The following NTRK3 variants were observed in gnomAD, a reference collection of about 807,000 sequenced individuals.
The protein encoded by NTRK3 is NT-3 growth factor receptor.
NTRK3 carries 24 observed loss-of-function variants against 91.7 expected under a neutral mutation model. The ratio of observed to expected loss-of-function variants is 0.26; its 90% CI spans 0.19 to 0.37. NTRK3 has a LOEUF of 0.37. NTRK3 is among the 10% of genes least tolerant of loss of function. The pLI is 1.00. For missense variants in NTRK3, 880 were observed against 1,068.9 expected, an observed-to-expected ratio of 0.82 and a Z score of 2.46; for synonymous variants, 483 against 404.0, an observed-to-expected ratio of 1.20 and a Z score of -2.34.
intron 3 of NTRK3, among the ~76,000 whole-genome samples, chr15:88,254,754 C>A (rs1459589726): frequency 6.6e-6 from 1 of 152,184 alleles, no homozygotes; most frequent in Non-Finnish European, 1.5e-5. Flanking sequence ...AGGACCTCAG[C>A]ACAAACCCTT....
chr15:87,933,314 G>A, intron 15 of NTRK3, 130 bp from the exon 16 acceptor site: 1 of 879,452 alleles, frequency 1.1e-6, no homozygotes, highest in South Asian at 1.7e-5. Flanking sequence ...GGAATTTAAA[G>A]ACAATGAAGC....
At chr15:87,897,547 C>G (rs1286889038) in intron 17 of NTRK3, among the ~76,000 whole-genome samples, 1 of 152,078 alleles carries the variant, frequency 6.6e-6, no homozygotes, top group Non-Finnish European at 1.5e-5. Context: ...AGGTCTCAAC[C>G]AAGCTCAGAT....
intron 3 of NTRK3, among the ~76,000 whole-genome samples, chr15:88,197,995 G>A (rs2047976794): frequency 6.6e-6 from 1 of 152,182 alleles, no homozygotes; most frequent in South Asian, 2.1e-4. Context: ...TAGAGATAAT[G>A]ATGCTGAACT....
exon 19 of NTRK3, chr15:87,872,923 T>C (rs944613556): frequency 1.3e-5 from 3 of 233,164 alleles, no homozygotes; most frequent in Non-Finnish European, 8.5e-6. Context: ...ATAAGCTGAT[T>C]TGGCCAAGGC....
chr15:88,146,041 C>A (rs2042862458), intron 6 of NTRK3, among the ~76,000 whole-genome samples: 1 of 152,128 alleles, frequency 6.6e-6, no homozygotes, highest in Admixed American at 6.5e-5. Context: ...AGTAATAATT[C>A]CTACCTTAAG....
rs578021056 is a variant in NTRK3 at position 88,150,062 on chromosome 15, T to C, written c.396-2659A>G. Among the ~76,000 whole-genome samples, 5 of 152,288 alleles carry C rather than the reference T, an allele frequency of 3.3e-5. No individual in the cohort carries two copies. The South Asian group carries it at 1.0e-3, about 32-fold the overall frequency. On this transcript the variant is annotated intron_variant, in intron 5 of 18. Coordinates refer to ENST00000394480, the Ensembl canonical transcript of NTRK3. ...CCAGTGCCTCCCTGAACAAAACCCA[T>C]GGTTCTGAAGCTGAGCAGCTGCATC...
chr15:88,018,682 CCT>C (rs1284549875), intron 14 of NTRK3, among the ~76,000 whole-genome samples: 1 of 152,040 alleles, frequency 6.6e-6, no homozygotes, highest in Non-Finnish European at 1.5e-5. Flanking sequence ...TTAACCATTC[CCT>C]GTGCCTCAGT....
At chr15:88,149,212 G>T (rs368563326) in intron 5 of NTRK3, among the ~76,000 whole-genome samples, 59 of 152,212 alleles carry the variant, frequency 3.9e-4, no homozygotes, top group African/African-American at 1.4e-3. Flanking sequence ...CTCATTGGAC[G>T]CAGCCCTCTT....
intron 13 of NTRK3, among the ~76,000 whole-genome samples, chr15:88,079,534 G>A (rs762377239): frequency 4.6e-5 from 7 of 152,232 alleles, no homozygotes; most frequent in Non-Finnish European, 1.0e-4. Flanking sequence ...CTTAAAGGGA[G>A]AGCAGACTTG....
chr15:87,979,219 T>C, intron 14 of NTRK3: 1 of 793,552 alleles, frequency 1.3e-6, no homozygotes, highest in Non-Finnish European at 2.3e-6. Flanking sequence ...GCCGGGGCAC[T>C]GGTGGCTCAT....
At chr15:87,969,555 G>C (rs2097674287) in intron 14 of NTRK3, among the ~76,000 whole-genome samples, 1 of 152,118 alleles carries the variant, frequency 6.6e-6, no homozygotes, top group African/African-American at 2.4e-5. Flanking sequence ...TGTGAAGCCA[G>C]GCTACTTCTC....
chr15:87,951,595 A>C (rs1398343472), intron 14 of NTRK3, among the ~76,000 whole-genome samples: 1 of 152,204 alleles, frequency 6.6e-6, no homozygotes, highest in African/African-American at 2.4e-5. Flanking sequence ...AAAGGATTTT[A>C]GTTAATGCAC....
chr15:87,954,643 T>C (rs150117792), intron 14 of NTRK3, among the ~76,000 whole-genome samples: 2 of 152,348 alleles, frequency 1.3e-5, no homozygotes, highest in African/African-American at 4.8e-5. Flanking sequence ...AAATGTTTCA[T>C]TGAAGAGACT....
intron 5 of NTRK3, among the ~76,000 whole-genome samples, chr15:88,166,753 T>C (rs1402495140): frequency 6.6e-6 from 1 of 152,224 alleles, no homozygotes; most frequent in East Asian, 1.9e-4. Flanking sequence ...CAGACATTTA[T>C]AGATATGAAT....
exon 19 of NTRK3, chr15:87,861,746 G>A (rs953120523): frequency 2.1e-5 from 4 of 194,406 alleles, no homozygotes; most frequent in East Asian, 8.0e-5. Context: ...AGGGCTAGAC[G>A]CGCCCTTGAA....
At chr15:88,143,338 A>G (rs1214148197) in intron 6 of NTRK3, among the ~76,000 whole-genome samples, 1 of 152,238 alleles carries the variant, frequency 6.6e-6, no homozygotes, top group Non-Finnish European at 1.5e-5. Flanking sequence ...AAGCCAAGAA[A>G]CACCAGGAGC....
In NTRK3 at chr15:88,148,396, G is replaced by C. The variant is rs114749924; in HGVS notation, c.396-993C>G. Among the ~76,000 whole-genome samples the C allele has an allele frequency of 6.4e-3, 970 of 152,316 alleles. 13 individuals carry two copies. Among genetic ancestry groups the C allele is most frequent in the African/African-American group, 0.022 (916 of 41,560 alleles). On this transcript the variant is annotated intron_variant, in intron 5 of 18. Transcript: ENST00000394480. The stretch of plus-strand genomic sequence containing the variant: ...CAAGTTACAGATGAATAAGCAGAAG[G>C]AAGAGTATCAACACCGTGATGTAAG...
intron 17 of NTRK3, among the ~76,000 whole-genome samples, chr15:87,918,072 T>C (rs1165959039): frequency 6.6e-6 from 1 of 152,154 alleles, no homozygotes; most frequent in African/African-American, 2.4e-5. Flanking sequence ...TTTGAGCCTG[T>C]GGGACCAGCC....
chr15:88,028,642 A>G (rs755761685), intron 14 of NTRK3, among the ~76,000 whole-genome samples: 19 of 152,062 alleles, frequency 1.2e-4, no homozygotes, highest in Middle Eastern at 3.2e-3. Context: ...CTGGGAGGGG[A>G]TGACTCTGGG....
Sources: gnomAD v4.1 joint callset for allele counts (sites outside exome capture counted in the v4.1 genomes callset) on GRCh38, gnomAD v4.1.1 for gene constraint, MANE v1.5 for transcripts, NCBI Gene and HGNC (gene_info 2026-07-23, HGNC 2026-07-21) for gene names.